The following IQGAP2 variants were observed in gnomAD, a reference collection of about 807,000 sequenced individuals.
The protein encoded by IQGAP2 is IQ motif containing GTPase activating protein 2, also known as ras GTPase-activating-like protein IQGAP2.
In IQGAP2, 173 loss-of-function variants were observed where a neutral mutation model predicts 201.3. That is an observed-to-expected ratio of 0.86 (90% CI 0.76 to 0.98). The LOEUF (loss-of-function observed/expected upper bound fraction) is 0.98. Ranked by LOEUF, IQGAP2 falls within the 50% of genes least tolerant of loss-of-function variation. IQGAP2 has a pLI of 0.00. For missense variants in IQGAP2, 1,687 were observed against 1,864.8 expected (o/e 0.90, Z 1.76); for synonymous variants, 675 against 673.9 (o/e 1.00, Z -0.03).
At chr5:76,636,904 C>A in intron 15 of IQGAP2, 130 bp from the exon 16 acceptor site, 2 of 671,244 alleles carry the variant, frequency 3.0e-6, no homozygotes, top group Non-Finnish European at 4.6e-6. Flanking sequence ...TAGTGGGTCA[C>A]TTCTGATGCC....
chr5:76,433,354 CT>C (rs1752479636), intron 1 of IQGAP2, among the ~76,000 whole-genome samples: 1 of 152,118 alleles, frequency 6.6e-6, no homozygotes, highest in African/African-American at 2.4e-5. Context: ...GCTTAAGGCT[CT>C]GGGTCATTGG....
At chr5:76,636,991 G>T in intron 15 of IQGAP2, 43 bp from the exon 16 acceptor site, 2 of 1,492,260 alleles carry the variant, frequency 1.3e-6, no homozygotes, top group East Asian at 4.6e-5. Context: ...ATGTTTAAGG[G>T]TTCACTGTGT....
intron 2 of IQGAP2, among the ~76,000 whole-genome samples, chr5:76,532,971 G>A (rs751645836): frequency 4.6e-5 from 7 of 152,156 alleles, no homozygotes; most frequent in Non-Finnish European, 1.0e-4. Flanking sequence ...CCCCCAACTG[G>A]CCTCACTGAA....
chr5:76,631,969 T>G lies in IQGAP2; in HGVS notation c.1723T>G (p.Cys575Gly). The change falls in exon 15 of 36, where the codon TGT (cysteine) becomes GGT (glycine). Residue 575 changes from cysteine to glycine, a missense_variant. Coordinates refer to ENST00000274364, the MANE Select transcript of IQGAP2 (RefSeq NM_006633.5). ...TSNANDIIPECADKYYDALVK... is the reference protein window; with the variant it reads ...TSNANDIIPEGADKYYDALVK... ...TAATGCAAATGACATAATCCCGGAG[T>G]GTGCTGACAAATACTATGATGCCCT... The G allele has an allele frequency of 6.2e-7, 1 of 1,612,458 alleles. No individual in the cohort carries two copies. Among genetic ancestry groups the G allele is most frequent in the Non-Finnish European group, 8.5e-7 (1 of 1,179,140 alleles).
At chr5:76,569,167 AT>A (rs1261792692) in intron 3 of IQGAP2, among the ~76,000 whole-genome samples, 1 of 152,130 alleles carries the variant, frequency 6.6e-6, no homozygotes, top group Non-Finnish European at 1.5e-5. Context: ...TAGGTCCTTC[AT>A]TCTTCTCTGA....
Position 76,555,367 on chromosome 5 carries a change from G to A in IQGAP2, c.147-7029G>A, listed in dbSNP as rs144686466. 1.1e-3 allele frequency among the ~76,000 whole-genome samples: 172 copies of A among 152,240 alleles called. 2 individuals carry two copies. Among genetic ancestry groups the A allele is most frequent in the African/African-American group, 3.9e-3 (164 of 41,530 alleles). On this transcript the variant is annotated intron_variant, in intron 2 of 35. Coordinates refer to ENST00000274364, the MANE Select transcript of IQGAP2 (RefSeq NM_006633.5). ...TAATTACACAGTCATATTGAATTCC[G>A]TTATAATTTCAGATTTATGGACTAA... is the stretch of plus-strand genomic sequence containing the variant.
At chr5:76,548,492 C>T (rs1017588505) in intron 2 of IQGAP2, among the ~76,000 whole-genome samples, 7 of 152,226 alleles carry the variant, frequency 4.6e-5, no homozygotes, top group Non-Finnish European at 7.3e-5. Flanking sequence ...AGGAAGTGAG[C>T]TTAAGCCCTG....
chr5:76,684,319 G>A (rs1745552348), intron 30 of IQGAP2, among the ~76,000 whole-genome samples: 1 of 152,118 alleles, frequency 6.6e-6, no homozygotes, highest in Non-Finnish European at 1.5e-5. Flanking sequence ...CCTACAATAA[G>A]ACATTATGAT....
chr5:76,478,245 AC>A (rs1755565900), intron 2 of IQGAP2, among the ~76,000 whole-genome samples: 1 of 152,162 alleles, frequency 6.6e-6, no homozygotes, highest in Admixed American at 6.5e-5. Context: ...TACTAAAAAT[AC>A]AAAAATTAGC....
chr5:76,549,905 G>C (rs569645485), intron 2 of IQGAP2, among the ~76,000 whole-genome samples: 2 of 152,024 alleles, frequency 1.3e-5, no homozygotes, highest in African/African-American at 2.4e-5. Flanking sequence ...TTTGGGGAGG[G>C]GAACACAGTT....
In IQGAP2 at chr5:76,596,683, G is replaced by A. The variant is rs369810464; in HGVS notation, c.908-756G>A. 6.6e-5 allele frequency among the ~76,000 whole-genome samples: 10 copies of A among 152,312 alleles called. No homozygotes were observed. In the East Asian group the frequency reaches 1.2e-3, roughly 18 times the overall value. On this transcript the variant is annotated intron_variant, in intron 9 of 35. Coordinates refer to ENST00000274364, the MANE Select transcript of IQGAP2 (RefSeq NM_006633.5). ...GGCACATCTTCACATGCCCAAAGCA[G>A]GAGGAATAGAGAGAAGGGGGAAGCG...
At chr5:76,605,615 G>A (rs762746458) in intron 11 of IQGAP2, among the ~76,000 whole-genome samples, 25 of 152,202 alleles carry the variant, frequency 1.6e-4, no homozygotes, top group Non-Finnish European at 3.1e-4. Flanking sequence ...GGTAAAGATT[G>A]TGCTACTCAG....
chr5:76,542,812 T>C (rs1039177700), intron 2 of IQGAP2, among the ~76,000 whole-genome samples: 3 of 151,608 alleles, frequency 2.0e-5, no homozygotes, highest in Admixed American at 2.0e-4. Context: ...CATTCTAACA[T>C]AGAGTGGCTC....
intron 1 of IQGAP2, among the ~76,000 whole-genome samples, chr5:76,448,921 A>G (rs1753569104): frequency 6.6e-6 from 1 of 152,142 alleles, no homozygotes; most frequent in East Asian, 1.9e-4. Flanking sequence ...GCCACCTTGA[A>G]AGAACTTTTA....
Position 76,597,287 on chromosome 5 carries a change from T to C in IQGAP2, c.908-152T>C, listed in dbSNP as rs1027652403. On this transcript the variant is annotated intron_variant, in intron 9 of 35. Transcript: ENST00000274364. Reference sequence around the variant, plus strand: ...ATTAGTTTGAATTACTGAGATAACATTTTCAAAGCCTTACCTACCCTCTGC... The same window carrying C: ...ATTAGTTTGAATTACTGAGATAACACTTTCAAAGCCTTACCTACCCTCTGC... 12 of 691,082 alleles carry C rather than the reference T, an allele frequency of 1.7e-5. No individual in the cohort carries two copies. In the South Asian group the frequency reaches 2.1e-4, roughly 12 times the overall value. 42.8% of individuals were successfully genotyped at this position (691,082 alleles called of 1,614,324 possible). A position where few individuals can be genotyped will look rare whatever the true frequency, so the allele number is the denominator to read the frequency against.
chr5:76,444,434 G>T (rs1440280349), intron 1 of IQGAP2, among the ~76,000 whole-genome samples: 1 of 152,100 alleles, frequency 6.6e-6, no homozygotes, highest in Admixed American at 6.5e-5. Flanking sequence ...AAGTAGCTGG[G>T]ATTACAGGTG....
intron 23 of IQGAP2, among the ~76,000 whole-genome samples, chr5:76,671,047 G>C (rs1254136109): frequency 2.0e-5 from 3 of 152,196 alleles, no homozygotes; most frequent in African/African-American, 7.2e-5. Flanking sequence ...TAGATCATTT[G>C]AGGTCAGAAG....
intron 3 of IQGAP2, among the ~76,000 whole-genome samples, chr5:76,568,645 C>T (rs1461719877): frequency 6.6e-6 from 1 of 152,142 alleles, no homozygotes; most frequent in Non-Finnish European, 1.5e-5. Flanking sequence ...AAAGTGCATA[C>T]CCATATTGCC....
intron 2 of IQGAP2, among the ~76,000 whole-genome samples, chr5:76,471,378 A>AAC (rs1480567296): frequency 4.9e-5 from 7 of 142,732 alleles, no homozygotes; most frequent in African/African-American, 1.7e-4. Flanking sequence ...AAAAAAAAAA[A>AAC]AAAAAAAACA....
Sources: gnomAD v4.1 joint callset for allele counts (sites outside exome capture counted in the v4.1 genomes callset) on GRCh38, gnomAD v4.1.1 for gene constraint, MANE v1.5 for transcripts, NCBI Gene and HGNC (gene_info 2026-07-23, HGNC 2026-07-21) for gene names.